Variants in TASP1 observed in about 807,000 individuals in gnomAD.
TASP1 encodes the protein taspase 1.
Under a neutral mutation model 56.6 loss-of-function variants are expected in TASP1, and 16 were observed. The ratio of observed to expected loss-of-function variants is 0.28; its 90% CI spans 0.19 to 0.43. TASP1 has a LOEUF of 0.43. Ranked by LOEUF, TASP1 falls within the 20% of genes least tolerant of loss-of-function variation. The pLI is 1.00. For missense variants in TASP1, 393 were observed against 511.6 expected, an observed-to-expected ratio of 0.77 and a Z score of 2.24; for synonymous variants, 179 against 184.2, an observed-to-expected ratio of 0.97 and a Z score of 0.23.
At chr20:13,412,136 G>T (rs1001846178) in intron 13 of TASP1, among the ~76,000 whole-genome samples, 2 of 152,120 alleles carry the variant, frequency 1.3e-5, no homozygotes, top group African/African-American at 4.8e-5. Context: ...TTGGTGTGTT[G>T]CCACTTGATG....
the TASP1 span, among the ~76,000 whole-genome samples, chr20:13,208,250 C>A: frequency 6.6e-6 from 1 of 152,182 alleles, no homozygotes; most frequent in Admixed American, 6.5e-5. Flanking sequence ...ACAGCATCAT[C>A]TGGTGATAAC....
At chr20:13,318,288 C>A in the TASP1 span, among the ~76,000 whole-genome samples, 1 of 152,024 alleles carries the variant, frequency 6.6e-6, no homozygotes, top group African/African-American at 2.4e-5. Context: ...CAACAAGATA[C>A]CATTAGAATG....
At chr20:13,633,711 T>C (rs1335308086) in intron 1 of TASP1, among the ~76,000 whole-genome samples, 1 of 152,056 alleles carries the variant, frequency 6.6e-6, no homozygotes, top group Non-Finnish European at 1.5e-5. Flanking sequence ...TAAGTGTACT[T>C]AAGTCAATAC....
At chr20:13,179,301 T>C in the TASP1 span, among the ~76,000 whole-genome samples, 1 of 152,152 alleles carries the variant, frequency 6.6e-6, no homozygotes, top group African/African-American at 2.4e-5. Flanking sequence ...ATTGAGAGTA[T>C]AAATTTGTAA....
At chr20:13,393,127 G>A (rs1266564246) in intron 13 of TASP1, 2 of 647,730 alleles carry the variant, frequency 3.1e-6, no homozygotes, top group Non-Finnish European at 5.8e-6. Context: ...AATGCCTCCT[G>A]TACCACCAAC....
chr20:13,613,894 C>A (rs2048434899), intron 4 of TASP1, among the ~76,000 whole-genome samples: 1 of 152,008 alleles, frequency 6.6e-6, no homozygotes, highest in Non-Finnish European at 1.5e-5. Context: ...ATCAGAGGTT[C>A]AATTATCTTA....
At chr20:13,477,185 A>G (rs1222495502) in intron 11 of TASP1, among the ~76,000 whole-genome samples, 1 of 152,014 alleles carries the variant, frequency 6.6e-6, no homozygotes, top group Non-Finnish European at 1.5e-5. Flanking sequence ...ATAAGAGGGG[A>G]CTCCATCTCA....
chr20:13,180,900 G>A, the TASP1 span, among the ~76,000 whole-genome samples: 1 of 152,294 alleles, frequency 6.6e-6, no homozygotes, highest in South Asian at 2.1e-4. Flanking sequence ...TTTATGGAAG[G>A]CCAGCTGAGT....
chr20:13,569,472 TCA>T, intron 7 of TASP1, 33 bp downstream of exon 7: 1 of 1,542,064 alleles, frequency 6.5e-7, no homozygotes. Flanking sequence ...GTATATATGC[TCA>T]TATAGCTTAA....
chr20:13,256,999 A>C, the TASP1 span, among the ~76,000 whole-genome samples: 3 of 152,216 alleles, frequency 2.0e-5, no homozygotes, highest in Non-Finnish European at 2.9e-5. Context: ...TAACAATGTG[A>C]AAGTGAGTGC....
At chr20:13,214,685 C>G in the TASP1 span, among the ~76,000 whole-genome samples, 33 of 152,236 alleles carry the variant, frequency 2.2e-4, no homozygotes, top group Admixed American at 1.4e-3. Flanking sequence ...ATCACCTCTG[C>G]TGCGTTTTGC....
In TASP1 at chr20:13,580,984, A is replaced by T. The variant is rs1568609051; in HGVS notation, c.404-3T>A. ...AACCGAGACTGGGTTCTTGATTCCT[A>T]TAAAAAAAAAAAAAAAATTGGCAAA... On this transcript the variant is annotated splice_region_variant and splice_polypyrimidine_tract_variant and intron_variant, in intron 5 of 13. Transcript: ENST00000337743. The T allele has an allele frequency of 2.5e-6, 4 of 1,573,782 alleles. No homozygotes were observed. In the South Asian group the frequency reaches 4.6e-5, roughly 18 times the overall value.
chr20:13,271,010 A>G, the TASP1 span, among the ~76,000 whole-genome samples: 2 of 152,260 alleles, frequency 1.3e-5, no homozygotes, highest in African/African-American at 4.8e-5. Context: ...TACAAGATAC[A>G]TACTAATTTA....
intron 7 of TASP1, among the ~76,000 whole-genome samples, chr20:13,568,576 T>C (rs2046613259): frequency 6.6e-6 from 1 of 152,198 alleles, no homozygotes; most frequent in African/African-American, 2.4e-5. Flanking sequence ...CATAACAATT[T>C]CTAGTTACTT....
At chr20:13,355,120 A>G in the TASP1 span, among the ~76,000 whole-genome samples, 1 of 152,228 alleles carries the variant, frequency 6.6e-6, no homozygotes, top group Non-Finnish European at 1.5e-5. Context: ...ACACAGCAGG[A>G]AGTTAGCACA....
At chr20:13,153,552 A>G in the TASP1 span, among the ~76,000 whole-genome samples, 1 of 152,174 alleles carries the variant, frequency 6.6e-6, no homozygotes, top group Admixed American at 6.5e-5. Flanking sequence ...TTAGAGATTT[A>G]AATGAGGGAC....
chr20:13,236,963 C>T, the TASP1 span, among the ~76,000 whole-genome samples: 1 of 152,144 alleles, frequency 6.6e-6, no homozygotes, highest in Non-Finnish European at 1.5e-5. Context: ...TGCAAGCTGT[C>T]GGTAGATCTA....
the TASP1 span, chr20:13,164,840 T>A: frequency 6.2e-7 from 1 of 1,613,638 alleles, no homozygotes; most frequent in South Asian, 1.1e-5. Context: ...AGCTCTATGA[T>A]GAGACGAGCT....
intron 4 of TASP1, among the ~76,000 whole-genome samples, chr20:13,598,915 A>C (rs540897195): frequency 6.6e-6 from 1 of 152,252 alleles, no homozygotes. Flanking sequence ...CAGCCAACAG[A>C]CACATGAAAA....
Sources: gnomAD v4.1 joint callset for allele counts (sites outside exome capture counted in the v4.1 genomes callset) on GRCh38, gnomAD v4.1.1 for gene constraint, MANE v1.5 for transcripts, NCBI Gene and HGNC (gene_info 2026-07-23, HGNC 2026-07-21) for gene names.